The following SORL1 variants were observed in gnomAD, a reference collection of about 807,000 sequenced individuals.
SORL1 encodes sortilin-related receptor.
SORL1 carries 127 observed loss-of-function variants against 273.7 expected under a neutral mutation model. That is an observed-to-expected ratio of 0.46 (90% CI 0.40 to 0.54). The LOEUF is 0.54. Ranked by LOEUF, SORL1 falls within the 20% of genes least tolerant of loss-of-function variation. The pLI is 0.00. For missense variants in SORL1, 2,494 were observed against 2,846.1 expected (o/e 0.88, Z 2.81); for synonymous variants, 1,031 against 1,067.4 (o/e 0.97, Z 0.66).
chr11:121,597,466 T>C (rs1863313854), intron 32 of SORL1, among the ~76,000 whole-genome samples: 1 of 151,920 alleles, frequency 6.6e-6, no homozygotes, highest in East Asian at 1.9e-4. Flanking sequence ...GTTTTTTTTT[T>C]TTTTCTTTTG....
chr11:121,608,161 A>T lies in SORL1; in HGVS notation c.5224A>T (p.Thr1742Ser). 6.2e-7 allele frequency: 1 copy of T among 1,613,544 alleles called. No homozygotes were observed. The highest frequency in any genetic ancestry group is 8.5e-7 in the Non-Finnish European group (1 of 1,179,460). ...CTGGAGCGATTCTAAATCCATTACC[A>T]CCATAAAAGGAAAAGGTAAATGATC... ...GNWSDSKSIT[T>S]IKGKVIPPPD... The change falls in exon 38 of 48, where the codon ACC (threonine) becomes TCC (serine). Residue 1742 changes from threonine to serine, a missense_variant. By Grantham distance (58) the Thr-to-Ser change is moderately conservative (BLOSUM62 1). Around this residue, in one of 3 missense-constraint regions of SORL1, gnomAD observed 1,609 missense variants for 1,816.4 expected, o/e 0.89. Coordinates refer to ENST00000260197, the MANE Select transcript of SORL1 (RefSeq NM_003105.6).
intron 1 of SORL1, among the ~76,000 whole-genome samples, chr11:121,464,989 T>C (rs1187318756): frequency 6.6e-6 from 1 of 152,228 alleles, no homozygotes; most frequent in African/African-American, 2.4e-5. Context: ...TAATGTTCTC[T>C]GCAGGTCCTA....
At position 121,532,530 on chromosome 11, in the gene SORL1, G is replaced by A; in HGVS notation, c.1663G>A (p.Gly555Ser). 1 of 1,614,012 alleles carries A rather than the reference G, an allele frequency of 6.2e-7. No individual in the cohort carries two copies. Among genetic ancestry groups the A allele is most frequent in the Non-Finnish European group, 8.5e-7 (1 of 1,179,962 alleles). Residue 555 changes from glycine (G) to serine (S), a missense_variant, in exon 12 of 48, where the codon GGC (glycine) becomes AGC (serine). Gly to Ser is a moderately conservative substitution (Grantham distance 56). This residue lies in a region of SORL1 where 710 missense variants were observed against 882.5 expected (regional missense o/e 0.80). Transcript: ENST00000260197. ...HGGIITAIAQ[G>S]METNELKYST... The stretch of plus-strand genomic sequence containing the variant: ...CGGAATCATCACGGCCATTGCCCAG[G>A]GCATGGAAACCAACGAGCTAAAGTA...
intron 22 of SORL1, among the ~76,000 whole-genome samples, chr11:121,568,858 A>G (rs1010016617): frequency 6.6e-6 from 1 of 152,172 alleles, no homozygotes; most frequent in African/African-American, 2.4e-5. Context: ...GATTTTAACT[A>G]AAAGAGGAAA....
chr11:121,538,618 C>G (rs1364003585), intron 12 of SORL1, among the ~76,000 whole-genome samples: 1 of 152,106 alleles, frequency 6.6e-6, no homozygotes, highest in African/African-American at 2.4e-5. Flanking sequence ...GTTTTTGAAA[C>G]TACATGTGGA....
intron 21 of SORL1, among the ~76,000 whole-genome samples, chr11:121,562,387 T>A (rs558839277): frequency 8.1e-4 from 123 of 152,354 alleles, no homozygotes; most frequent in Non-Finnish European, 1.3e-3. Context: ...TGATTTCAGC[T>A]ACCTGCGGTC....
Position 121,550,089 on chromosome 11 carries a change from G to A in SORL1, c.2180+1G>A. ...GTTCTACTTACAGGAGAACGAGAGG[G>A]TATGTATCACAGAGGTTGCCCTGTC... On this transcript the variant is annotated splice_donor_variant, in intron 15 of 47. Transcript: ENST00000260197. LOFTEE classifies it high-confidence loss of function. The surrounding 1 kb of genome is among the most constrained non-coding windows in gnomAD (Gnocchi z 5.3). The A allele has an allele frequency of 1.9e-6, 3 of 1,612,604 alleles. No individual in the cohort carries two copies. Among genetic ancestry groups the A allele is most frequent in the Non-Finnish European group, 2.5e-6 (3 of 1,179,224 alleles).
At chr11:121,502,121 A>ATTT (rs1242828050) in intron 6 of SORL1, among the ~76,000 whole-genome samples, 1 of 82,390 alleles carries the variant, frequency 1.2e-5, no homozygotes, top group African/African-American at 4.2e-5. Context: ...TCATGTGACA[A>ATTT]TTCTTTTTTT....
At chr11:121,560,743 G>A (rs1383518774) in intron 21 of SORL1, among the ~76,000 whole-genome samples, 1 of 152,206 alleles carries the variant, frequency 6.6e-6, no homozygotes, top group Non-Finnish European at 1.5e-5. Context: ...ACTATAAAGT[G>A]TCTTACAAAT....
chr11:121,456,118 T>C lies in SORL1; in HGVS notation c.285+3502T>C, dbSNP rs1245700291. On this transcript the variant is annotated intron_variant, in intron 1 of 47. Coordinates refer to ENST00000260197, the MANE Select transcript of SORL1 (RefSeq NM_003105.6). Reference sequence around the variant, plus strand: ...CCTGATTTCTCATAAGCTCTGTCTGTCTGCGCCATCATACCTGCTTTTTCC... The same window carrying C: ...CCTGATTTCTCATAAGCTCTGTCTGCCTGCGCCATCATACCTGCTTTTTCC... 1.6e-4 allele frequency among the ~76,000 whole-genome samples: 24 copies of C among 152,330 alleles called. No homozygotes were observed. The South Asian group carries it at 3.5e-3, about 22-fold the overall frequency.
rs1000496177 is a variant in SORL1, at chr11:121,551,521, G to T, written c.2266+851G>T. On this transcript the variant is annotated intron_variant, in intron 16 of 47. Coordinates refer to ENST00000260197, the MANE Select transcript of SORL1 (RefSeq NM_003105.6). ...TCTCTTAGTTGCTTTTCTTCACTCT[G>T]TTTCCAGTTCTTATTCATTTAAAGC... 3.3e-5 allele frequency among the ~76,000 whole-genome samples: 5 copies of T among 152,022 alleles called. 1 individual carries two copies. Among genetic ancestry groups the T allele is most frequent in the Admixed American group, 1.3e-4 (2 of 15,254 alleles).
At chr11:121,566,396 G>A (rs2051126580) in intron 21 of SORL1, among the ~76,000 whole-genome samples, 1 of 152,056 alleles carries the variant, frequency 6.6e-6, no homozygotes, top group African/African-American at 2.4e-5. Context: ...TAAGGGATAG[G>A]ATCTTGCTAT....
In SORL1 at chr11:121,611,088, C is replaced by T. The variant is rs1208966716; in HGVS notation, c.5252C>T (p.Pro1751Leu). ...TTIKGKVIPP[P>L]DIHIDSYGEN... is the part of the protein sequence containing the mutation. ...TTTTTGTTTTCAGTGATCCCACCAC[C>T]AGATATCCACATTGACAGCTATGGT... Residue 1751 changes from proline to leucine, a missense_variant, in exon 39 of 48, where the codon CCA (proline) becomes CTA (leucine). This residue lies in a region of SORL1 where 1,609 missense variants were observed against 1,816.4 expected (regional missense o/e 0.89). Transcript: ENST00000260197. 2 of 1,612,606 alleles carry T rather than the reference C, an allele frequency of 1.2e-6. No homozygotes were observed.
intron 12 of SORL1, among the ~76,000 whole-genome samples, chr11:121,536,435 T>G (rs1398943556): frequency 1.3e-5 from 2 of 150,714 alleles, no homozygotes; most frequent in Admixed American, 6.6e-5. Context: ...GTGTTTTTTT[T>G]TTTTTTTTTT....
At chr11:121,572,892 A>G (rs1862865430) in intron 23 of SORL1, among the ~76,000 whole-genome samples, 1 of 152,152 alleles carries the variant, frequency 6.6e-6, no homozygotes, top group Non-Finnish European at 1.5e-5. Flanking sequence ...GGAGCCTCAA[A>G]TAAGAGCTGC....
chr11:121,523,613 T>TAA (rs755456803), intron 11 of SORL1, among the ~76,000 whole-genome samples: 1 of 141,894 alleles, frequency 7.0e-6, no homozygotes. Flanking sequence ...TCCAAACTTG[T>TAA]AAAAAAAAAA....
Position 121,586,288 on chromosome 11 carries a change from G to A in SORL1, c.3773G>A (p.Gly1258Asp). The A allele has an allele frequency of 6.2e-7, 1 of 1,614,158 alleles. No homozygotes were observed. Among genetic ancestry groups the A allele is most frequent in the Non-Finnish European group, 8.5e-7 (1 of 1,179,996 alleles). Residue 1258 changes from glycine (G) to aspartate (D), a missense_variant, in exon 27 of 48, where the codon GGT becomes GAT. Physicochemically the swap from Gly to Asp is moderately conservative, Grantham distance 94. Transcript: ENST00000260197. The part of the protein sequence containing the change: ...TCIPSSKHCD[G>D]LRDCSDGSDE... ...ATCCCATCCAGCAAACATTGTGATGGTCTGCGTGATTGCTCTGATGGCTCC... is the reference window on the plus strand; with the variant it reads ...ATCCCATCCAGCAAACATTGTGATGATCTGCGTGATTGCTCTGATGGCTCC...
intron 12 of SORL1, among the ~76,000 whole-genome samples, chr11:121,537,641 A>G (rs1009228416): frequency 6.6e-6 from 1 of 152,200 alleles, no homozygotes; most frequent in Admixed American, 6.5e-5. Flanking sequence ...TCTCCGTGCC[A>G]TCTGTGATAG....
chr11:121,616,068 C>T (rs1338476119), intron 41 of SORL1, among the ~76,000 whole-genome samples: 1 of 152,296 alleles, frequency 6.6e-6, no homozygotes, highest in Admixed American at 6.5e-5. Context: ...CTGACCTATC[C>T]CCGGAGCTCT....
Sources: gnomAD v4.1 joint callset for allele counts (sites outside exome capture counted in the v4.1 genomes callset) on GRCh38, gnomAD v4.1.1 for gene constraint, gnomAD v4.1.1 regional missense constraint, Gnocchi (gnomAD v3.1) non-coding constraint, MANE v1.5 for transcripts, NCBI Gene and HGNC (gene_info 2026-07-23, HGNC 2026-07-21) for gene names.